MBNL3: variants seen among roughly 807,000 people sequenced by gnomAD.
The protein encoded by MBNL3 is muscleblind like splicing regulator 3.
MBNL3 carries 6 observed loss-of-function variants against 24.5 expected under a neutral mutation model. The observed-to-expected ratio is 0.25, with a 90% confidence interval of 0.13 to 0.48. The LOEUF is 0.48. Among genes scored for constraint, MBNL3 ranks in the 20% least tolerant of loss-of-function variants. MBNL3 has a pLI of 0.99. For synonymous variants in MBNL3, 100 were observed against 101.7 expected (o/e 0.98, Z 0.10); for missense variants, 230 against 293.5 (o/e 0.78, Z 1.58).
At chrX:132,485,604 T>C (rs1387494770) in intron 1 of MBNL3, among the ~76,000 whole-genome samples, 1 of 112,369 alleles carries the variant, frequency 8.9e-6, no homozygotes, top group Non-Finnish European at 1.9e-5. Context: ...GAACAGAATG[T>C]CATGGAACCA....
intron 2 of MBNL3, among the ~76,000 whole-genome samples, chrX:132,426,090 C>T (rs903095917): frequency 6.4e-4 from 71 of 111,767 alleles, no homozygotes; most frequent in African/African-American, 2.0e-3. Flanking sequence ...CTCTGTGTAC[C>T]TCTCAGTTGA....
chrX:132,401,138 A>C (rs1940841620), intron 3 of MBNL3, among the ~76,000 whole-genome samples: 1 of 111,824 alleles, frequency 8.9e-6, no homozygotes, highest in African/African-American at 3.2e-5. Flanking sequence ...AAACCTACAT[A>C]ATGTCTGGGT....
chrX:132,396,949 C>A (rs866547995), intron 3 of MBNL3, among the ~76,000 whole-genome samples: 2 of 63,125 alleles, frequency 3.2e-5, no homozygotes, highest in Non-Finnish European at 5.6e-5. Context: ...TATATATATT[C>A]ATATATATTC....
intron 2 of MBNL3, among the ~76,000 whole-genome samples, chrX:132,413,821 C>T (rs1181517896): frequency 1.8e-5 from 2 of 111,401 alleles, no homozygotes; most frequent in East Asian, 2.8e-4. Flanking sequence ...CCCGTAACTC[C>T]GAATTTACAG....
intron 1 of MBNL3, among the ~76,000 whole-genome samples, chrX:132,480,852 G>C (rs1015156494): frequency 9.0e-6 from 1 of 111,419 alleles, no homozygotes; most frequent in Non-Finnish European, 1.9e-5. Flanking sequence ...ATAAACTTTC[G>C]AAGGCCCATG....
At position 132,440,100 on chromosome X, in the gene MBNL3, G is replaced by A. The variant is rs960193491; in HGVS notation, c.-489C>T. Among the ~76,000 whole-genome samples, 3 of 110,743 alleles carry A rather than the reference G, an allele frequency of 2.7e-5. No homozygotes were observed. Among genetic ancestry groups the A allele is most frequent in the African/African-American group, 6.6e-5 (2 of 30,415 alleles). On this transcript the variant is annotated 5_prime_UTR_variant, in exon 2 of 9. It adds an upstream start codon to the 5' untranslated region. Coordinates refer to ENST00000370853, the MANE Select transcript of MBNL3 (RefSeq NM_001386889.1). ...GATGTTAGAACCCAAAAAAAGTTTC[G>A]TTGCAAAATCAAGTGGAGGGAAAAT...
intron 2 of MBNL3, among the ~76,000 whole-genome samples, chrX:132,408,760 C>T (rs986641561): frequency 8.9e-6 from 1 of 112,028 alleles, no homozygotes; most frequent in Non-Finnish European, 1.9e-5. Context: ...AAGAGAATTA[C>T]ACTTTAAAAA....
At position 132,372,536 on chromosome X, in the gene MBNL3, A is replaced by G. The variant is rs1933716010; in HGVS notation, c.*7130T>C. On this transcript the variant is annotated 3_prime_UTR_variant, in exon 9 of 9. Transcript: ENST00000370853. ...TAAATAAGTTTATTTTGAAAAGGGC[A>G]TTCATTCCCATAATCCAGTGATATG... The G allele has an allele frequency of 9.2e-6, 1 of 108,575 alleles. No individual in the cohort carries two copies. Among genetic ancestry groups the G allele is most frequent in the Non-Finnish European group, 1.9e-5 (1 of 52,336 alleles). The allele number at this position is 108,575 out of a possible 1,213,427, so 8.9% of individuals were successfully genotyped here.
At chrX:132,447,574 A>C (rs771682617) in intron 1 of MBNL3, among the ~76,000 whole-genome samples, 4 of 111,658 alleles carry the variant, frequency 3.6e-5, no homozygotes, top group Non-Finnish European at 3.8e-5. Flanking sequence ...GATGGATAGG[A>C]ATGCTTGTGA....
At chrX:132,425,364 G>C (rs756391665) in intron 2 of MBNL3, among the ~76,000 whole-genome samples, 1 of 111,673 alleles carries the variant, frequency 9.0e-6, no homozygotes, top group African/African-American at 3.2e-5. Context: ...CTTAAACTTC[G>C]ATATTGAAAT....
intron 2 of MBNL3, among the ~76,000 whole-genome samples, chrX:132,419,292 C>T (rs1056181099): frequency 1.8e-5 from 2 of 111,629 alleles, no homozygotes; most frequent in African/African-American, 3.3e-5. Flanking sequence ...CCAGCAGTAT[C>T]CCATGGAGAT....
At chrX:132,405,745 CG>C (rs2148274469) in intron 3 of MBNL3, among the ~76,000 whole-genome samples, 1 of 107,971 alleles carries the variant, frequency 9.3e-6, no homozygotes, top group Admixed American at 9.9e-5. Flanking sequence ...GGCGTGATGG[CG>C]GGCACCTGTA....
intron 1 of MBNL3, among the ~76,000 whole-genome samples, chrX:132,459,424 A>T (rs1427921348): frequency 9.0e-6 from 1 of 111,269 alleles, no homozygotes; most frequent in Non-Finnish European, 1.9e-5. Flanking sequence ...GTCTTATAGG[A>T]TTATGGAATG....
In MBNL3 at chrX:132,428,250, G is replaced by A. The variant is rs186415458; in HGVS notation, c.177+11185C>T. Among the ~76,000 whole-genome samples the A allele has an allele frequency of 1.3e-3, 146 of 110,868 alleles. 1 individual carries two copies. The highest frequency in any genetic ancestry group is 2.0e-3 in the Non-Finnish European group (107 of 52,893). ...ATAATCTCATCATAAACAAGATACCGAAAAATGATTTACTCTATCTCTAGA... is the reference window on the plus strand; with the variant it reads ...ATAATCTCATCATAAACAAGATACCAAAAAATGATTTACTCTATCTCTAGA... On this transcript the variant is annotated intron_variant, in intron 2 of 8. Coordinates refer to ENST00000370853, the MANE Select transcript of MBNL3 (RefSeq NM_001386889.1).
intron 8 of MBNL3, among the ~76,000 whole-genome samples, chrX:132,381,882 T>C (rs1339964698): frequency 8.9e-6 from 1 of 111,974 alleles, no homozygotes; most frequent in Non-Finnish European, 1.9e-5. Flanking sequence ...TGAGGAAGCA[T>C]TTAAGTAACA....
chrX:132,471,902 T>C (rs1947202250), intron 1 of MBNL3, among the ~76,000 whole-genome samples: 1 of 112,307 alleles, frequency 8.9e-6, no homozygotes, highest in African/African-American at 3.2e-5. Context: ...GAAGACTTGC[T>C]ATCTAATATA....
intron 3 of MBNL3, among the ~76,000 whole-genome samples, chrX:132,396,395 TATATATATTC>T (rs1938415180): frequency 3.5e-5 from 3 of 85,000 alleles, no homozygotes; most frequent in Admixed American, 1.5e-4. Flanking sequence ...TATATATTCC[TATATATATTC>T]ATATATATTC....
intron 3 of MBNL3, among the ~76,000 whole-genome samples, chrX:132,392,937 T>A (rs1201574689): frequency 9.0e-6 from 1 of 111,210 alleles, no homozygotes; most frequent in Non-Finnish European, 1.9e-5. Flanking sequence ...CTAAAATGAG[T>A]TTAGTATGGT....
At chrX:132,415,980 TA>T (rs1295794046) in intron 2 of MBNL3, among the ~76,000 whole-genome samples, 16 of 104,524 alleles carry the variant, frequency 1.5e-4, no homozygotes, top group Middle Eastern at 4.8e-3. Context: ...ACTATATATA[TA>T]AAAAAAAAAC....
Sources: gnomAD v4.1 joint callset for allele counts (sites outside exome capture counted in the v4.1 genomes callset) on GRCh38, gnomAD v4.1.1 for gene constraint, MANE v1.5 for transcripts, NCBI Gene and HGNC (gene_info 2026-07-23, HGNC 2026-07-21) for gene names.